Variants in GCNT1 observed in about 807,000 individuals in gnomAD.
GCNT1 encodes the protein glucosaminyl (N-acetyl) transferase 1, also known as beta-1,3-galactosyl-O-glycosyl-glycoprotein beta-1,6-N-acetylglucosaminyltransferase.
GCNT1 carries 16 observed loss-of-function variants against 26.2 expected under a neutral mutation model. The observed-to-expected ratio is 0.61, with a 90% CI of 0.41 to 0.93. The LOEUF (loss-of-function observed/expected upper bound fraction) is 0.93. GCNT1 is among the 40% of genes least tolerant of loss of function. The probability of loss-of-function intolerance (pLI) is 0.00; values close to 1 mark genes in which losing one functional copy is unlikely to be tolerated. For synonymous variants in GCNT1, 183 were observed against 190.8 expected (o/e 0.96, Z 0.34); for missense variants, 477 against 526.7 (o/e 0.91, Z 0.92).
intron 1 of GCNT1, among the ~76,000 whole-genome samples, chr9:76,436,444 T>G (rs1056357748): frequency 2.0e-5 from 3 of 151,678 alleles, no homozygotes; most frequent in Non-Finnish European, 4.4e-5. Context: ...AAAAATTAAC[T>G]GGGCATGGTG....
At chr9:76,486,112 C>T (rs1824567479) in intron 2 of GCNT1, among the ~76,000 whole-genome samples, 1 of 152,228 alleles carries the variant, frequency 6.6e-6, no homozygotes, top group African/African-American at 2.4e-5. Flanking sequence ...AGCTCTTCTG[C>T]TTACTAGCCA....
chr9:76,483,139 G>A (rs866832046), intron 2 of GCNT1, among the ~76,000 whole-genome samples: 26 of 152,060 alleles, frequency 1.7e-4, no homozygotes, highest in Admixed American at 1.3e-3. Flanking sequence ...ATGTGTTTAA[G>A]GGAAAGACAT....
At chr9:76,428,153 C>G (rs1427754682) in intron 1 of GCNT1, among the ~76,000 whole-genome samples, 1 of 150,060 alleles carries the variant, frequency 6.7e-6, no homozygotes, top group Non-Finnish European at 1.5e-5. Context: ...GTAGTCCCAG[C>G]TACTCAGGAG....
upstream of GCNT1, among the ~76,000 whole-genome samples, chr9:76,416,227 C>T (rs894385287): frequency 6.6e-6 from 1 of 152,108 alleles, no homozygotes; most frequent in Non-Finnish European, 1.5e-5. Flanking sequence ...TGAGTTTGGC[C>T]AGGGACGGCT....
chr9:76,399,652 T>C, the GCNT1 span: 3,870 of 896,584 alleles, frequency 4.3e-3, 78 homozygotes, highest in African/African-American at 0.058. Flanking sequence ...CATCAGTTTC[T>C]TAAAAAAAAA....
chr9:76,398,652 C>T, the GCNT1 span: 30 of 983,980 alleles, frequency 3.0e-5, no homozygotes, highest in East Asian at 7.8e-5. Flanking sequence ...GGGGCCCATA[C>T]GGCGTTGTTC....
chr9:76,490,567 G>A (rs905763038), intron 2 of GCNT1, among the ~76,000 whole-genome samples: 25 of 152,162 alleles, frequency 1.6e-4, no homozygotes, highest in African/African-American at 5.6e-4. Flanking sequence ...AACGTTTAGC[G>A]AACTTTACTT....
At chr9:76,465,666 G>A (rs1823978157) in intron 2 of GCNT1, among the ~76,000 whole-genome samples, 2 of 152,242 alleles carry the variant, frequency 1.3e-5, no homozygotes, top group Admixed American at 1.3e-4. Context: ...GGGAGGAGGA[G>A]GGTGGATGTG....
At chr9:76,438,926 C>T (rs921513078), upstream of GCNT1, among the ~76,000 whole-genome samples, 1 of 152,252 alleles carries the variant, frequency 6.6e-6, no homozygotes, top group African/African-American at 2.4e-5. Flanking sequence ...AGATAGTAAG[C>T]CGTGTATGTG....
chr9:76,451,354 T>C (rs1823661708), intron 1 of GCNT1, among the ~76,000 whole-genome samples: 1 of 152,184 alleles, frequency 6.6e-6, no homozygotes, highest in Non-Finnish European at 1.5e-5. Flanking sequence ...AGATCAACAC[T>C]GTTGACCTCC....
At chr9:76,465,163 T>TTG in intron 2 of GCNT1, among the ~76,000 whole-genome samples, 1 of 151,882 alleles carries the variant, frequency 6.6e-6, no homozygotes, top group Middle Eastern at 3.4e-3. Context: ...GAGTTTTTTT[T>TTG]TTTTTATTTT....
At chr9:76,481,250 G>A (rs1824414076) in intron 2 of GCNT1, among the ~76,000 whole-genome samples, 1 of 151,858 alleles carries the variant, frequency 6.6e-6, no homozygotes, top group African/African-American at 2.4e-5. Flanking sequence ...AATGGTGAGT[G>A]GAATTGTAAA....
intron 1 of GCNT1, among the ~76,000 whole-genome samples, chr9:76,450,083 C>T (rs890486055): frequency 6.6e-6 from 1 of 152,128 alleles, no homozygotes; most frequent in African/African-American, 2.4e-5. Flanking sequence ...CTATTCGCCT[C>T]TTTTTATAAA....
intron 1 of GCNT1, among the ~76,000 whole-genome samples, chr9:76,428,139 G>A (rs1006576390): frequency 5.3e-5 from 8 of 151,450 alleles, no homozygotes; most frequent in South Asian, 4.2e-4. Context: ...GGTGGCGGGC[G>A]CCTGTAGTCC....
Position 76,475,430 on chromosome 9 carries a change from C to T in GCNT1, c.-290+15253C>T, listed in dbSNP as rs1330043910. On this transcript the variant is annotated intron_variant, in intron 2 of 3. Coordinates refer to ENST00000376730, the MANE Select transcript of GCNT1 (RefSeq NM_001490.5). ...TTCCAGAGCTCCTCTCTGGAAAAGA[C>T]TATGAGCTATAAGGCACACTTAACA... Among the ~76,000 whole-genome samples, 6 of 152,192 alleles carry T rather than the reference C, an allele frequency of 3.9e-5. No homozygotes were observed. In the East Asian group the frequency reaches 5.8e-4, roughly 15 times the overall value.
intron 1 of GCNT1, among the ~76,000 whole-genome samples, chr9:76,425,098 C>T (rs1460997916): frequency 1.4e-5 from 2 of 143,992 alleles, no homozygotes; most frequent in African/African-American, 5.3e-5. Context: ...GAGATCGTGC[C>T]ACTGCACTCC....
upstream of GCNT1, among the ~76,000 whole-genome samples, chr9:76,457,834 G>A (rs995156336): frequency 6.6e-6 from 1 of 152,080 alleles, no homozygotes; most frequent in African/African-American, 2.4e-5. Context: ...AACAAAGCTA[G>A]CCATTGAAGG....
At chr9:76,456,189 T>G (rs78438177), upstream of GCNT1, among the ~76,000 whole-genome samples, 17,544 of 152,214 alleles carry the variant, frequency 0.12, 1,124 homozygotes, top group Middle Eastern at 0.23. Flanking sequence ...AAGGGGTGCT[T>G]GAGGAGAGGG....
At position 76,504,826 on chromosome 9, in the gene GCNT1, C is replaced by T. The variant is rs1825193670; in HGVS notation, c.*1158C>T. ...CTGGGTGGTAAGTTTCCTCCTTTCT[C>T]AACCTTCCACGAGGAGGAAAGAAGT... On this transcript the variant is annotated 3_prime_UTR_variant, in exon 4 of 4. Transcript: ENST00000376730. 1 of 413,490 alleles carries T rather than the reference C, an allele frequency of 2.4e-6. No individual in the cohort carries two copies. The highest frequency in any genetic ancestry group is 3.6e-5 in the East Asian group (1 of 28,076). The allele number at this position is 413,490 out of a possible 1,614,324, so 25.6% of individuals were successfully genotyped here.
Sources: allele counts gnomAD v4.1 joint callset (sites outside exome capture counted in the v4.1 genomes callset), GRCh38; gene constraint gnomAD v4.1.1; transcripts MANE v1.5; gene names NCBI Gene and HGNC (gene_info 2026-07-23, HGNC 2026-07-21).